SLC35F3: variants seen among roughly 807,000 people sequenced by gnomAD.
SLC35F3 encodes the protein solute carrier family 35 member F3, also known as putative thiamine transporter SLC35F3.
SLC35F3 carries 25 observed loss-of-function variants against 49.9 expected under a neutral mutation model. That is an observed-to-expected ratio of 0.50 (90% CI 0.37 to 0.70). The LOEUF is 0.70. Ranked by LOEUF, SLC35F3 falls within the 30% of genes least tolerant of loss-of-function variation. The pLI, the probability that SLC35F3 is intolerant of heterozygous loss-of-function variation, is 0.00. For missense variants in SLC35F3, 525 were observed against 639.8 expected, an observed-to-expected ratio of 0.82 and a Z score of 1.94; for synonymous variants, 275 against 265.4, an observed-to-expected ratio of 1.04 and a Z score of -0.35.
chr1:234,262,496 C>T (rs1162486909), intron 3 of SLC35F3, among the ~76,000 whole-genome samples: 9 of 152,196 alleles, frequency 5.9e-5, no homozygotes, highest in Admixed American at 5.9e-4. Flanking sequence ...GTTGCAGTGG[C>T]TGCTTTAGGA....
At chr1:234,166,475 C>T (rs1474169013) in intron 2 of SLC35F3, among the ~76,000 whole-genome samples, 1 of 152,208 alleles carries the variant, frequency 6.6e-6, no homozygotes, top group Non-Finnish European at 1.5e-5. Flanking sequence ...TTCATCTCCA[C>T]TATCACCTCT....
chr1:234,278,506 C>CAA lies in SLC35F3; in HGVS notation c.609-30595_609-30594insAA, dbSNP rs1558095910. On this transcript the variant is annotated intron_variant, in intron 3 of 7. Coordinates refer to ENST00000366618, the MANE Select transcript of SLC35F3 (RefSeq NM_173508.4). Reference sequence around the variant, plus strand: ...CTCTGTTTCAAAAGAAAAAAAAAAACGAAAAAAAAAGAGAAAAAACTAAAG... The same window carrying CAA: ...CTCTGTTTCAAAAGAAAAAAAAAAACAAGAAAAAAAAAGAGAAAAAACTAAAG... Among the ~76,000 whole-genome samples, 4 of 146,108 alleles carry CAA rather than the reference C, an allele frequency of 2.7e-5. No homozygotes were observed. In the East Asian group the frequency reaches 5.9e-4, roughly 22 times the overall value.
At chr1:234,257,443 A>G (rs10910400) in intron 3 of SLC35F3, among the ~76,000 whole-genome samples, 48,359 of 151,808 alleles carry the variant, frequency 0.32, 8,410 homozygotes, top group East Asian at 0.74. Flanking sequence ...TACTGATTTG[A>G]TTTTGTCTTT....
intron 2 of SLC35F3, among the ~76,000 whole-genome samples, chr1:233,956,925 G>A (rs1571996323): frequency 6.6e-6 from 1 of 152,332 alleles, no homozygotes; most frequent in South Asian, 2.1e-4. Context: ...GCCAGAAAAA[G>A]GATAGGGGTA....
chr1:234,075,862 C>G (rs1277479031), intron 2 of SLC35F3, among the ~76,000 whole-genome samples: 1 of 152,168 alleles, frequency 6.6e-6, no homozygotes, highest in Non-Finnish European at 1.5e-5. Flanking sequence ...TGCTGATATA[C>G]TGAGTAATTG....
chr1:234,205,335 C>T (rs574672348), intron 2 of SLC35F3, among the ~76,000 whole-genome samples: 10 of 152,322 alleles, frequency 6.6e-5, no homozygotes, highest in African/African-American at 2.4e-4. Context: ...AGAATGGCTT[C>T]TTTCGGTGAG....
chr1:234,268,029 C>T (rs956860680), intron 3 of SLC35F3, among the ~76,000 whole-genome samples: 20 of 151,572 alleles, frequency 1.3e-4, no homozygotes, highest in African/African-American at 2.4e-4. Context: ...CAAGCAGAGA[C>T]GCTCCTCACT....
intron 1 of SLC35F3, 22 bp from the exon 2 acceptor site, chr1:233,905,507 C>T (rs577548491): frequency 2.3e-5 from 36 of 1,582,788 alleles, no homozygotes; most frequent in South Asian, 4.5e-5. Context: ...CACCCACCTG[C>T]CCGTGGCGCC....
At chr1:234,260,060 A>G (rs370170860) in intron 3 of SLC35F3, among the ~76,000 whole-genome samples, 13 of 152,128 alleles carry the variant, frequency 8.5e-5, no homozygotes, top group African/African-American at 2.9e-4. Flanking sequence ...TTTAACTTCT[A>G]CGGCAAAAAA....
rs528463784 is a variant in SLC35F3 at position 233,938,795 on chromosome 1, T to C, written c.283+33037T>C. Reference sequence around the variant, plus strand: ...ACACAGAGGAACTAGTCTAGGGAACTGAATGATCGGAAAGGAAAGCAAATA... The same window carrying C: ...ACACAGAGGAACTAGTCTAGGGAACCGAATGATCGGAAAGGAAAGCAAATA... On this transcript the variant is annotated intron_variant, in intron 2 of 7. Transcript: ENST00000366618. Among the ~76,000 whole-genome samples, 9 of 152,150 alleles carry C rather than the reference T, an allele frequency of 5.9e-5. No individual in the cohort carries two copies. The South Asian group carries it at 1.2e-3, about 21-fold the overall frequency.
chr1:234,179,679 G>T (rs1042707728), intron 2 of SLC35F3, among the ~76,000 whole-genome samples: 2 of 152,164 alleles, frequency 1.3e-5, no homozygotes, highest in African/African-American at 4.8e-5. Flanking sequence ...CTAAGGAAAA[G>T]AAAGGGTTTT....
intron 2 of SLC35F3, among the ~76,000 whole-genome samples, chr1:234,129,580 C>G (rs1051438310): frequency 1.3e-5 from 2 of 152,154 alleles, no homozygotes; most frequent in Admixed American, 6.5e-5. Flanking sequence ...AGGAGATTGA[C>G]AAACAGATTC....
intron 3 of SLC35F3, among the ~76,000 whole-genome samples, chr1:234,267,769 A>T (rs2102972199): frequency 6.8e-6 from 1 of 147,412 alleles, no homozygotes; most frequent in African/African-American, 2.6e-5. Context: ...GGGTTTCCTC[A>T]CTTCTCAGAT....
intron 2 of SLC35F3, among the ~76,000 whole-genome samples, chr1:234,068,374 AG>A (rs1378657155): frequency 2.0e-5 from 3 of 152,192 alleles, no homozygotes; most frequent in Non-Finnish European, 2.9e-5. Flanking sequence ...GATGCAGTCA[AG>A]GGTGCTGTGA....
intron 2 of SLC35F3, among the ~76,000 whole-genome samples, chr1:234,043,724 A>T (rs1193017903): frequency 1.3e-5 from 2 of 152,220 alleles, no homozygotes; most frequent in East Asian, 1.9e-4. Flanking sequence ...GATAAATATA[A>T]TTGTAAACTA....
rs868603379 is a variant in SLC35F3, at chr1:233,954,207, C to T, written c.283+48449C>T. 1.1e-4 allele frequency among the ~76,000 whole-genome samples: 17 copies of T among 152,246 alleles called. No homozygotes were observed. The East Asian group carries it at 1.2e-3, about 10-fold the overall frequency. On this transcript the variant is annotated intron_variant, in intron 2 of 7. Transcript: ENST00000366618. ...ATTTTTAGTAGAGATGATATTTCGC[C>T]GTGTTAGCCAGGATGGTCTCCATCT...
At chr1:234,116,458 A>G (rs1416869763) in intron 2 of SLC35F3, among the ~76,000 whole-genome samples, 1 of 151,726 alleles carries the variant, frequency 6.6e-6, no homozygotes, top group Admixed American at 6.6e-5. Context: ...CATTGTCCCA[A>G]ATTTAGCAGT....
At chr1:233,984,133 T>C (rs989588444) in intron 2 of SLC35F3, among the ~76,000 whole-genome samples, 4 of 152,206 alleles carry the variant, frequency 2.6e-5, no homozygotes, top group Non-Finnish European at 5.9e-5. Context: ...CAGGAAGGTA[T>C]TTTCTTCCCT....
chr1:234,312,687 C>A (rs936925390), intron 4 of SLC35F3, among the ~76,000 whole-genome samples: 1 of 152,128 alleles, frequency 6.6e-6, no homozygotes, highest in Non-Finnish European at 1.5e-5. Flanking sequence ...TGAGAGCAGG[C>A]CAGCAGCTGG....
Sources: allele counts gnomAD v4.1 joint callset (sites outside exome capture counted in the v4.1 genomes callset), GRCh38; gene constraint gnomAD v4.1.1; transcripts MANE v1.5; gene names NCBI Gene and HGNC (gene_info 2026-07-23, HGNC 2026-07-21).